The following CES5A variants were observed in gnomAD, a reference collection of about 807,000 sequenced individuals.
CES5A encodes carboxylesterase 5A, also known as carboxylesterase 5.
In CES5A, 67 loss-of-function variants were observed where a neutral mutation model predicts 62.9. That is an observed-to-expected ratio of 1.07 (90% CI 0.88 to 1.31). The LOEUF is 1.31. CES5A is among the 50% of genes most tolerant of loss of function. CES5A has a pLI of 0.00. For missense variants in CES5A, 748 were observed against 708.5 expected (o/e 1.06, Z -0.63); for synonymous variants, 296 against 280.8 (o/e 1.05, Z -0.54).
At chr16:55,937,181 TA>T (rs112558889) in intron 2 of CES5A, among the ~76,000 whole-genome samples, 2,286 of 152,294 alleles carry the variant, frequency 0.015, 72 homozygotes, top group African/African-American at 0.052. Context: ...TGCATTTTAG[TA>T]AAGCCTTCTC....
chr16:55,848,553 T>A (rs1302203029), intron 11 of CES5A, among the ~76,000 whole-genome samples: 1 of 152,244 alleles, frequency 6.6e-6, no homozygotes, highest in African/African-American at 2.4e-5. Context: ...TTGCTAAGGA[T>A]GGTCTGCAGT....
intron 2 of CES5A, among the ~76,000 whole-genome samples, chr16:55,934,326 A>T (rs1268266598): frequency 6.6e-6 from 1 of 152,222 alleles, no homozygotes; most frequent in African/African-American, 2.4e-5. Context: ...TTCAGTAGAC[A>T]TTCAGTTAGT....
chr16:55,937,428 A>T (rs1392574500), intron 2 of CES5A, among the ~76,000 whole-genome samples: 1 of 152,216 alleles, frequency 6.6e-6, no homozygotes, highest in Non-Finnish European at 1.5e-5. Context: ...TCCATCCTGA[A>T]GTGACATGTG....
chr16:55,879,624 CT>C (rs1488851959), upstream of CES5A, among the ~76,000 whole-genome samples: 1 of 151,956 alleles, frequency 6.6e-6, no homozygotes, highest in Non-Finnish European at 1.5e-5. Context: ...TTTCTTTTTT[CT>C]TTTTGAGACA....
intron 2 of CES5A, among the ~76,000 whole-genome samples, chr16:55,949,410 G>A (rs2034530834): frequency 6.6e-6 from 1 of 152,228 alleles, no homozygotes; most frequent in Non-Finnish European, 1.5e-5. Flanking sequence ...CCAAAGGGGA[G>A]ATAGCTGCAA....
chr16:55,886,925 G>T (rs1260072193), intron 1 of CES5A, among the ~76,000 whole-genome samples: 1 of 152,062 alleles, frequency 6.6e-6, no homozygotes, highest in Non-Finnish European at 1.5e-5. Flanking sequence ...GGATGGGTCT[G>T]TGAACAAATG....
intron 2 of CES5A, among the ~76,000 whole-genome samples, chr16:55,946,504 T>C (rs2034495928): frequency 6.6e-6 from 1 of 152,218 alleles, no homozygotes; most frequent in South Asian, 2.1e-4. Context: ...TGCCCATTTT[T>C]CCTCCTTTCT....
chr16:55,894,803 G>A (rs1378085062), intron 1 of CES5A, among the ~76,000 whole-genome samples: 1 of 152,178 alleles, frequency 6.6e-6, no homozygotes, highest in African/African-American at 2.4e-5. Context: ...GAAGGTGGTA[G>A]CCTACAATGC....
Position 55,846,581 on chromosome 16 carries a change from T to C in CES5A, c.1598A>G (p.Glu533Gly). 6.2e-7 allele frequency: 1 copy of C among 1,614,040 alleles called. No individual in the cohort carries two copies. Among genetic ancestry groups the C allele is most frequent in the Non-Finnish European group, 8.5e-7 (1 of 1,179,952 alleles). Residue 533 changes from glutamate (E) to glycine (G), a missense_variant, in exon 13 of 13, where the codon GAA becomes GGA. By Grantham distance (98) the Glu-to-Gly change is moderately conservative. Transcript: ENST00000290567. ...LNMSLGQRLKEPRVDFWTSTI... is the reference protein window; with the variant it reads ...LNMSLGQRLKGPRVDFWTSTI... ...GCTGGTCCAAAAATCCACCCGCGGT[T>C]CTTTGAGTCTCTGTCCGAGGCTCAT...
chr16:55,847,279 CCTCT>C (rs1247436164), intron 11 of CES5A, among the ~76,000 whole-genome samples: 10 of 145,594 alleles, frequency 6.9e-5, no homozygotes, highest in African/African-American at 2.3e-4. Flanking sequence ...CTCTTCCTTC[CCTCT>C]CTCTCTTCCT....
chr16:55,938,755 A>T (rs1452170175), intron 2 of CES5A, among the ~76,000 whole-genome samples: 1 of 77,286 alleles, frequency 1.3e-5, no homozygotes, highest in African/African-American at 5.8e-5. Context: ...AAAAAAAAAA[A>T]AAAAAAAAAA....
intron 1 of CES5A, among the ~76,000 whole-genome samples, chr16:55,954,518 C>T (rs2034589159): frequency 6.6e-6 from 1 of 152,312 alleles, no homozygotes; most frequent in Non-Finnish European, 1.5e-5. Context: ...CATTTTTAAA[C>T]CACTTTTAAC....
chr16:55,870,826 G>C (rs1190289485), intron 3 of CES5A, among the ~76,000 whole-genome samples: 1 of 152,060 alleles, frequency 6.6e-6, no homozygotes, highest in Non-Finnish European at 1.5e-5. Flanking sequence ...CTTTCTTAAG[G>C]TCATATTAGA....
At chr16:55,895,817 A>G (rs1189502827) in intron 1 of CES5A, among the ~76,000 whole-genome samples, 1 of 152,116 alleles carries the variant, frequency 6.6e-6, no homozygotes, top group Admixed American at 6.5e-5. Context: ...CTCATGTTGA[A>G]ATTTGATCCC....
intron 9 of CES5A, among the ~76,000 whole-genome samples, chr16:55,856,093 T>C (rs1364381054): frequency 6.6e-6 from 1 of 152,186 alleles, no homozygotes; most frequent in Non-Finnish European, 1.5e-5. Flanking sequence ...GTAAGTTTCC[T>C]GAGGCCTCCC....
chr16:55,946,381 C>A (rs1421287958), intron 2 of CES5A, among the ~76,000 whole-genome samples: 2 of 152,138 alleles, frequency 1.3e-5, no homozygotes, highest in African/African-American at 4.8e-5. Flanking sequence ...AAAGAAGCTG[C>A]AAGGCACAAA....
intron 2 of CES5A, among the ~76,000 whole-genome samples, chr16:55,934,836 C>T (rs1189080919): frequency 1.3e-5 from 2 of 152,206 alleles, no homozygotes; most frequent in Admixed American, 6.5e-5. Flanking sequence ...CCAGTCTAAG[C>T]GCAGGGCCTG....
chr16:55,877,130 G>A (rs2033706133), upstream of CES5A, among the ~76,000 whole-genome samples: 1 of 152,140 alleles, frequency 6.6e-6, no homozygotes, highest in Non-Finnish European at 1.5e-5. Context: ...TCTGCAAGTG[G>A]GTCCAAGCTC....
At chr16:55,850,130 T>C (rs1404317868) in intron 10 of CES5A, among the ~76,000 whole-genome samples, 3 of 152,254 alleles carry the variant, frequency 2.0e-5, no homozygotes, top group Non-Finnish European at 2.9e-5. Flanking sequence ...ATTCTGGATA[T>C]GATTATTTTG....
Sources: gnomAD v4.1 joint callset for allele counts (sites outside exome capture counted in the v4.1 genomes callset) on GRCh38, gnomAD v4.1.1 for gene constraint, MANE v1.5 for transcripts, NCBI Gene and HGNC (gene_info 2026-07-23, HGNC 2026-07-21) for gene names.